Variants in ALAS2 observed in about 807,000 individuals in gnomAD.
ALAS2 encodes the protein 5-aminolevulinate synthase, erythroid-specific, mitochondrial.
In ALAS2, 3 loss-of-function variants were observed where a neutral mutation model predicts 33.7. The observed-to-expected ratio is 0.09, with a 90% CI of 0.04 to 0.23. The LOEUF (loss-of-function observed/expected upper bound fraction) is 0.23, where lower values mean the gene tolerates loss of function less well. Among genes scored for constraint, ALAS2 ranks in the 10% least tolerant of loss-of-function variants. The probability of loss-of-function intolerance (pLI) is 1.00; values close to 1 mark genes in which losing one functional copy is unlikely to be tolerated. For missense variants in ALAS2, 304 were observed against 475.1 expected, an observed-to-expected ratio of 0.64 and a Z score of 3.35; for synonymous variants, 191 against 177.3, an observed-to-expected ratio of 1.08 and a Z score of -0.61.
chrX:55,013,413 C>G, intron 10 of ALAS2, 73 bp downstream of exon 10: 2 of 1,073,719 alleles, frequency 1.9e-6, no homozygotes, highest in African/African-American at 3.6e-5. Flanking sequence ...TGGTCTCTGT[C>G]CTCTCAGCTT....
At chrX:55,025,485 C>G (rs1935876587) in intron 2 of ALAS2, among the ~76,000 whole-genome samples, 1 of 110,902 alleles carries the variant, frequency 9.0e-6, no homozygotes, top group Non-Finnish European at 1.9e-5. Context: ...AGGCGCCCAC[C>G]ACCACTCCTG....
Position 55,023,741 on chromosome X carries a change from A to G in ALAS2, c.415+16T>C, listed in dbSNP as rs773526759. 2 of 1,185,330 alleles carry G rather than the reference A, an allele frequency of 1.7e-6. No homozygotes were observed. Among genetic ancestry groups the G allele is most frequent in the African/African-American group, 1.8e-5 (1 of 56,053 alleles). On this transcript the variant is annotated intron_variant, in intron 4 of 10. Coordinates refer to ENST00000650242, the MANE Select transcript of ALAS2 (RefSeq NM_000032.5). ...CCCTATTCCGGTCCCCTTTTTTTCC[A>G]CCTCAGCAAACTCACCAGGCATATT...
chrX:55,013,555 G>A lies in ALAS2; in HGVS notation c.1531C>T (p.Arg511Trp), dbSNP rs929097904. Reference protein sequence around the residue: ...VQAINYPTVPRGEELLRLAPS... With the variant: ...VQAINYPTVPWGEELLRLAPS... Reference sequence around the variant, plus strand: ...GCCAAGCGCAGGAGCTCTTCACCCCGGGGGACAGTTGGGTAGTTGATGGCC... The same window carrying A: ...GCCAAGCGCAGGAGCTCTTCACCCCAGGGGACAGTTGGGTAGTTGATGGCC... Residue 511 changes from arginine (R) to tryptophan (W), a missense_variant, in exon 10 of 11, where the codon CGG (arginine) becomes TGG (tryptophan). Physicochemically the swap from Arg to Trp is moderately radical, Grantham distance 101. Transcript: ENST00000650242. 1.9e-5 allele frequency: 23 copies of A among 1,209,063 alleles called. No homozygotes were observed. The highest frequency in any genetic ancestry group is 2.5e-5 in the Non-Finnish European group (22 of 894,877).
At position 55,021,285 on chromosome X, in the gene ALAS2, A is replaced by G. The variant is rs977637650; in HGVS notation, c.416-11T>C. The G allele has an allele frequency of 9.4e-5, 111 of 1,175,955 alleles. No individual in the cohort carries two copies. Among genetic ancestry groups the G allele is most frequent in the Non-Finnish European group, 1.2e-4 (107 of 863,612 alleles). On this transcript the variant is annotated splice_polypyrimidine_tract_variant and intron_variant, in intron 4 of 10. Transcript: ENST00000650242. ...TGAAGACATAGTTTCCTGCAGGAGC[A>G]GATATGAGGATGAAAAGAATTCGTT...
chrX:55,010,892 G>C lies in ALAS2; in HGVS notation c.1601-1549C>G, dbSNP rs186670053. On this transcript the variant is annotated intron_variant, in intron 10 of 10. Transcript: ENST00000650242. Reference sequence around the variant, plus strand: ...TTTGCTACTGCATCCCCAGTGCCTAGAACAGTATCTAGTACACAGTTGGTA... The same window carrying C: ...TTTGCTACTGCATCCCCAGTGCCTACAACAGTATCTAGTACACAGTTGGTA... Among the ~76,000 whole-genome samples the C allele has an allele frequency of 5.9e-3, 666 of 111,952 alleles. 2 individuals carry two copies. The highest frequency in any genetic ancestry group is 9.2e-3 in the Middle Eastern group (2 of 218).
intron 6 of ALAS2, 111 bp downstream of exon 6, chrX:55,020,209 A>C: frequency 1.3e-6 from 1 of 770,005 alleles, no homozygotes; most frequent in Non-Finnish European, 1.9e-6. Context: ...AGAAGGAAGA[A>C]CAATGGGAGT....
intron 1 of ALAS2, chrX:55,027,766 C>A (rs773585688): frequency 1.7e-6 from 2 of 1,211,493 alleles, no homozygotes; most frequent in East Asian, 5.9e-5. Flanking sequence ...AAAACAACCT[C>A]TTTTTCTTGT....
chrX:55,009,213 G>T lies in ALAS2; in HGVS notation c.1731C>A (p.Asn577Lys). Residue 577 changes from asparagine (N) to lysine (K), a missense_variant, in exon 11 of 11, where the codon AAC becomes AAA. Physicochemically the swap from Asn to Lys is moderately conservative, Grantham distance 94. Transcript: ENST00000650242. ...AGGTGGTGACATACTGGGGCCCCATGTTCCCGAAGTAGGAACGTTCCCACT... is the reference window on the plus strand; with the variant it reads ...AGGTGGTGACATACTGGGGCCCCATTTTCCCGAAGTAGGAACGTTCCCACT... ...MSEWERSYFG[N>K]MGPQYVTTYA is the part of the protein sequence containing the mutation. 8.3e-7 allele frequency: 1 copy of T among 1,208,195 alleles called. No individual in the cohort carries two copies.
intron 10 of ALAS2, among the ~76,000 whole-genome samples, chrX:55,011,420 G>A (rs1025206874): frequency 9.0e-6 from 1 of 111,574 alleles, no homozygotes; most frequent in African/African-American, 3.3e-5. Flanking sequence ...CCCCTTGGAG[G>A]TCACTGCTTT....
intron 4 of ALAS2, among the ~76,000 whole-genome samples, chrX:55,022,640 A>G (rs1342480475): frequency 8.9e-6 from 1 of 111,855 alleles, no homozygotes; most frequent in Non-Finnish European, 1.9e-5. Context: ...ACACATCCTT[A>G]CATCCCAAGA....
chrX:55,013,404 G>A, intron 10 of ALAS2, 82 bp downstream of exon 10: 1 of 1,010,711 alleles, frequency 9.9e-7, no homozygotes, highest in Non-Finnish European at 1.3e-6. Context: ...TAAACTCAGT[G>A]GTCTCTGTCC....
At chrX:55,020,981 T>C in intron 5 of ALAS2, 71 bp downstream of exon 5, 1 of 265,633 alleles carries the variant, frequency 3.8e-6, no homozygotes, top group Non-Finnish European at 5.5e-6. Flanking sequence ...CAGCTCTGCC[T>C]TTTTTTTTTT....
At position 55,017,547 on chromosome X, in the gene ALAS2, T is replaced by A. The variant is rs758232675; in HGVS notation, c.942A>T (p.Leu314=). Residue 314 remains leucine (L), a synonymous_variant, in exon 7 of 11, where the codon CTA becomes CTT. Transcript: ENST00000650242. ...HNDPDHLKKL[L]EKSNPKIPKI... ...TGGGTATCTTAGGGTTAGACTTCTCTAGAAGTTTCTTTAGGTGGTCAGGGT... is the reference window on the plus strand; with the variant it reads ...TGGGTATCTTAGGGTTAGACTTCTCAAGAAGTTTCTTTAGGTGGTCAGGGT... 1 of 1,209,290 alleles carries A rather than the reference T, an allele frequency of 8.3e-7. No individual in the cohort carries two copies. The highest frequency in any genetic ancestry group is 1.8e-5 in the African/African-American group (1 of 56,999).
Position 55,014,987 on chromosome X carries a change from G to A in ALAS2, c.1197C>T (p.Tyr399=). 1 of 1,210,856 alleles carries A rather than the reference G, an allele frequency of 8.3e-7. No individual in the cohort carries two copies. Among genetic ancestry groups the A allele is most frequent in the Non-Finnish European group, 1.1e-6 (1 of 895,024 alleles). ...CCACCAAGTCACGGGTGCTGGCAATGTAGCCGCCCACACAGCCAAAGGCCT... is the reference window on the plus strand; with the variant it reads ...CCACCAAGTCACGGGTGCTGGCAATATAGCCGCCCACACAGCCAAAGGCCT... ...LGKAFGCVGG[Y]IASTRDLVDM... is the part of the protein sequence containing the mutation. Residue 399 remains tyrosine (Y), a synonymous_variant, in exon 9 of 11, where the codon TAC becomes TAT. Transcript: ENST00000650242.
chrX:55,015,627 C>T lies in ALAS2; in HGVS notation c.1119G>A (p.Gly373=). The change falls in exon 8 of 11, where the codon GGG becomes GGA. Residue 373 remains glycine (G), a synonymous_variant. Transcript: ENST00000650242. ...TCTTATGCATAATTCCATCACGCTC[C>T]CCAATCCCAGCGCCCCGGGACCCAT... is the stretch of plus-strand genomic sequence containing the variant. ...GLYGSRGAGI[G]ERDGIMHKID... The T allele has an allele frequency of 8.3e-7, 1 of 1,211,428 alleles. No individual in the cohort carries two copies. The highest frequency in any genetic ancestry group is 1.1e-6 in the Non-Finnish European group (1 of 895,402).
rs1602251646 is a variant in ALAS2, at chrX:55,023,855, G to T, written c.317C>A (p.Ser106Tyr). The T allele has an allele frequency of 8.3e-7, 1 of 1,206,022 alleles. No homozygotes were observed. The change falls in exon 4 of 11, where the codon TCC becomes TAC. Residue 106 changes from serine (S) to tyrosine (Y), a missense_variant. Physicochemically the swap from Ser to Tyr is moderately radical, Grantham distance 144. This residue lies in a region of ALAS2 where 71 missense variants were observed against 82.8 expected (regional missense o/e 0.86). Coordinates refer to ENST00000650242, the MANE Select transcript of ALAS2 (RefSeq NM_000032.5). ...CTTCCTTAGGCTGACTGAGACCAGGGAGCTAGGCAGATCTGAGACGGAATG... is the reference window on the plus strand; with the variant it reads ...CTTCCTTAGGCTGACTGAGACCAGGTAGCTAGGCAGATCTGAGACGGAATG... ...VKAFKTDLPS[S>Y]LVSVSLRKPF...
At chrX:55,015,155 A>C in intron 8 of ALAS2, 140 bp from the exon 9 acceptor site, 1 of 675,189 alleles carries the variant, frequency 1.5e-6, no homozygotes, top group Non-Finnish European at 2.2e-6. Flanking sequence ...TCATCTGTCC[A>C]TGACAAGGCA....
At chrX:55,023,957 G>GAA (rs1935848859) in intron 3 of ALAS2, 90 bp from the exon 4 acceptor site, 1 of 751,432 alleles carries the variant, frequency 1.3e-6, no homozygotes, top group Non-Finnish European at 2.0e-6. Flanking sequence ...TGCAACACAT[G>GAA]AAAATTCAAG....
chrX:55,017,514 C>A lies in ALAS2; in HGVS notation c.975G>T (p.Val325=), dbSNP rs200714056. Residue 325 remains valine, a synonymous_variant, in exon 7 of 11, where the codon GTG becomes GTT. Transcript: ENST00000650242. ...CCATGGAGTGGACAGTCTCAAAGGCCACAATTTTGGGTATCTTAGGGTTAG... is the reference window on the plus strand; with the variant it reads ...CCATGGAGTGGACAGTCTCAAAGGCAACAATTTTGGGTATCTTAGGGTTAG... ...EKSNPKIPKI[V]AFETVHSMDG... The A allele has an allele frequency of 8.3e-7, 1 of 1,210,930 alleles. No homozygotes were observed. Among genetic ancestry groups the A allele is most frequent in the Non-Finnish European group, 1.1e-6 (1 of 895,114 alleles).
Sources: allele counts gnomAD v4.1 joint callset (sites outside exome capture counted in the v4.1 genomes callset), GRCh38; gene constraint gnomAD v4.1.1; regional missense constraint gnomAD v4.1.1; transcripts MANE v1.5; gene names NCBI Gene and HGNC (gene_info 2026-07-23, HGNC 2026-07-21).